The following SYNE2 variants were observed in gnomAD, a reference collection of about 807,000 sequenced individuals.
SYNE2 encodes spectrin repeat containing nuclear envelope protein 2.
In SYNE2, 431 loss-of-function variants were observed where a neutral mutation model predicts 856.3. That is an observed-to-expected ratio of 0.50 (90% CI 0.47 to 0.55). SYNE2 has a LOEUF of 0.55. Among genes scored for constraint, SYNE2 ranks in the 20% least tolerant of loss-of-function variants. The pLI is 0.00. For missense variants in SYNE2, 8,129 were observed against 8,023.2 expected (o/e 1.01, Z -0.50); for synonymous variants, 2,923 against 2,872.3 (o/e 1.02, Z -0.56).
rs369976555 is a variant in SYNE2, at chr14:64,132,860, G to T, written c.14514+422G>T. Among the ~76,000 whole-genome samples, 26 of 152,234 alleles carry T rather than the reference G, an allele frequency of 1.7e-4. 1 individual carries two copies. Among genetic ancestry groups the T allele is most frequent in the Middle Eastern group, 3.4e-3 (1 of 294 alleles). ...CATAAAGCTCCTTCTCAGTTTTGAG[G>T]CATTCCCCTCACACCTTTCATAGCC... is the stretch of plus-strand genomic sequence containing the variant. On this transcript the variant is annotated intron_variant, in intron 77 of 115. Transcript: ENST00000555002.
At chr14:63,982,247 G>C (rs2096591036) in intron 16 of SYNE2, among the ~76,000 whole-genome samples, 1 of 152,142 alleles carries the variant, frequency 6.6e-6, no homozygotes, top group African/African-American at 2.4e-5. Flanking sequence ...AACTAAACAA[G>C]TTTGGAAACC....
At chr14:63,966,253 T>C (rs1214260651) in intron 10 of SYNE2, among the ~76,000 whole-genome samples, 1 of 151,966 alleles carries the variant, frequency 6.6e-6, no homozygotes. Context: ...TGGTGGCTCA[T>C]GTCTGTAATC....
chr14:63,954,361 T>C (rs1427197513), intron 7 of SYNE2, among the ~76,000 whole-genome samples: 2 of 152,146 alleles, frequency 1.3e-5, no homozygotes, highest in African/African-American at 2.4e-5. Flanking sequence ...CAATCTTGAG[T>C]GAATATCATT....
intron 2 of SYNE2, among the ~76,000 whole-genome samples, chr14:63,915,236 G>A (rs2095520544): frequency 6.6e-6 from 1 of 152,196 alleles, no homozygotes; most frequent in South Asian, 2.1e-4. Context: ...AAAGCATGAT[G>A]CAGGTGGAGG....
At chr14:64,179,650 C>G (rs1402643533) in intron 96 of SYNE2, among the ~76,000 whole-genome samples, 1 of 152,108 alleles carries the variant, frequency 6.6e-6, no homozygotes, top group Non-Finnish European at 1.5e-5. Flanking sequence ...GTTTATTAGT[C>G]AGTTGCACAT....
chr14:63,925,515 T>C (rs1442635049), intron 2 of SYNE2, among the ~76,000 whole-genome samples: 1 of 152,254 alleles, frequency 6.6e-6, no homozygotes, highest in Non-Finnish European at 1.5e-5. Flanking sequence ...AATCCAGTTA[T>C]ACTCTGTAAG....
At chr14:64,026,787 C>G (rs925009916) in intron 42 of SYNE2, 57 bp downstream of exon 42, 2 of 1,556,522 alleles carry the variant, frequency 1.3e-6, no homozygotes, top group Admixed American at 1.9e-5. Context: ...GAAGCCATAA[C>G]AAGTATGTTT....
chr14:64,085,613 G>A (rs1292880480), intron 57 of SYNE2, among the ~76,000 whole-genome samples: 2 of 152,170 alleles, frequency 1.3e-5, no homozygotes, highest in Admixed American at 6.5e-5. Context: ...CAAAATGGCT[G>A]TATCATTTTT....
chr14:64,141,209 GGTGTGT>G (rs59705430), intron 80 of SYNE2, 126 bp from the exon 81 acceptor site: 7 of 652,960 alleles, frequency 1.1e-5, no homozygotes, highest in South Asian at 2.1e-5. Flanking sequence ...AGGAAAAAGG[GGTGTGT>G]GTGTGTGTGT....
intron 73 of SYNE2, among the ~76,000 whole-genome samples, 184 bp from the exon 74 acceptor site, chr14:64,128,268 A>C (rs2097970266): frequency 6.6e-6 from 1 of 152,224 alleles, no homozygotes. Context: ...GAGGATGTAG[A>C]GGGAAGAAGG....
chr14:63,803,587 C>T (rs1171545139), intron 1 of SYNE2, among the ~76,000 whole-genome samples: 1 of 152,214 alleles, frequency 6.6e-6, no homozygotes, highest in African/African-American at 2.4e-5. Flanking sequence ...CATGCCCGCC[C>T]GGAACTCCAG....
At chr14:64,018,646 G>A (rs865942827) in intron 34 of SYNE2, among the ~76,000 whole-genome samples, 6 of 152,138 alleles carry the variant, frequency 3.9e-5, no homozygotes, top group Admixed American at 6.5e-5. Flanking sequence ...TGAAAACAGC[G>A]AGAGACAATA....
intron 17 of SYNE2, 98 bp downstream of exon 17, chr14:63,982,892 T>G: frequency 1.6e-6 from 2 of 1,255,432 alleles, no homozygotes; most frequent in South Asian, 1.2e-5. Context: ...TTCTGGTATA[T>G]GCACAGTTAC....
At chr14:64,037,948 C>G (rs897426323) in intron 45 of SYNE2, among the ~76,000 whole-genome samples, 2 of 151,808 alleles carry the variant, frequency 1.3e-5, no homozygotes, top group Admixed American at 1.3e-4. Context: ...GGCTGACCCC[C>G]CCACCTCCCT....
At chr14:64,130,730 C>T (rs2153679644) in intron 76 of SYNE2, among the ~76,000 whole-genome samples, 1 of 151,932 alleles carries the variant, frequency 6.6e-6, no homozygotes, top group East Asian at 1.9e-4. Context: ...ACCAAAAATA[C>T]AAAAATTAGC....
At chr14:63,804,577 T>C (rs1440173112) in intron 1 of SYNE2, among the ~76,000 whole-genome samples, 2 of 152,146 alleles carry the variant, frequency 1.3e-5, no homozygotes, top group African/African-American at 4.8e-5. Context: ...CACCACAACC[T>C]TTGCCTCCCG....
intron 1 of SYNE2, among the ~76,000 whole-genome samples, chr14:63,891,514 CA>C (rs2095131755): frequency 6.6e-6 from 1 of 151,824 alleles, no homozygotes; most frequent in African/African-American, 2.4e-5. Flanking sequence ...GGACACTTTA[CA>C]AATGGAAATT....
intron 19 of SYNE2, among the ~76,000 whole-genome samples, chr14:63,986,864 T>TA (rs1427302054): frequency 6.6e-6 from 1 of 152,172 alleles, no homozygotes; most frequent in Non-Finnish European, 1.5e-5. Context: ...TTCTTAGCTA[T>TA]AACATGGGGG....
At chr14:64,215,394 C>T (rs780446519) in intron 107 of SYNE2, 40 bp downstream of exon 107, 4 of 1,593,896 alleles carry the variant, frequency 2.5e-6, no homozygotes, top group Middle Eastern at 1.7e-4. Flanking sequence ...TGGCAGCATC[C>T]TGTGGCGCAC....
Sources: allele counts gnomAD v4.1 joint callset (sites outside exome capture counted in the v4.1 genomes callset), GRCh38; gene constraint gnomAD v4.1.1; transcripts MANE v1.5; gene names NCBI Gene and HGNC (gene_info 2026-07-23, HGNC 2026-07-21).